Variants in GLIS3 observed in about 807,000 individuals in gnomAD.
GLIS3 encodes GLIS family zinc finger 3.
Under a neutral mutation model 78.6 loss-of-function variants are expected in GLIS3, and 53 were observed. That is an observed-to-expected ratio of 0.67 (90% confidence interval 0.54 to 0.85). The LOEUF is 0.85. GLIS3 is among the 40% of genes least tolerant of loss of function. The pLI, the probability that GLIS3 is intolerant of heterozygous loss-of-function variation, is 0.00. For missense variants in GLIS3, 1,703 were observed against 1,231.1 expected (o/e 1.38, Z -5.74); for synonymous variants, 684 against 509.9 (o/e 1.34, Z -4.60).
At chr9:4,218,512 T>C (rs918141510) in intron 2 of GLIS3, among the ~76,000 whole-genome samples, 1 of 152,208 alleles carries the variant, frequency 6.6e-6, no homozygotes, top group Non-Finnish European at 1.5e-5. Context: ...TCTCTTGACC[T>C]CGTGATCTGC....
the GLIS3 span, among the ~76,000 whole-genome samples, chr9:4,457,029 G>A: frequency 6.6e-6 from 1 of 152,168 alleles, no homozygotes; most frequent in African/African-American, 2.4e-5. Context: ...CAGTAGACTT[G>A]CTCTACTCAG....
In GLIS3 at chr9:3,980,058, A is replaced by G. The variant is rs567618924; in HGVS notation, c.1711-42869T>C. On this transcript the variant is annotated intron_variant, in intron 4 of 10. Coordinates refer to ENST00000381971, the MANE Select transcript of GLIS3 (RefSeq NM_001042413.2). ...TCCCCCAAAAAGTGACCTTAGGAGAAAGGACTGTTGGTGTCTGGAGTTGGG... is the reference window on the plus strand; with the variant it reads ...TCCCCCAAAAAGTGACCTTAGGAGAGAGGACTGTTGGTGTCTGGAGTTGGG... Among the ~76,000 whole-genome samples the G allele has an allele frequency of 7.2e-5, 11 of 152,268 alleles. No homozygotes were observed. In the East Asian group the frequency reaches 1.7e-3, roughly 24 times the overall value.
the GLIS3 span, among the ~76,000 whole-genome samples, chr9:4,487,175 T>C: frequency 6.6e-6 from 1 of 152,128 alleles, no homozygotes; most frequent in Non-Finnish European, 1.5e-5. Flanking sequence ...AATTTTTGTA[T>C]TTTTAGTAGA....
At chr9:3,962,929 A>C (rs1817666328) in intron 4 of GLIS3, among the ~76,000 whole-genome samples, 1 of 141,112 alleles carries the variant, frequency 7.1e-6, no homozygotes. Context: ...ATGTCCAACA[A>C]GATCTGCTGT....
intron 2 of GLIS3, among the ~76,000 whole-genome samples, chr9:4,234,908 T>C (rs1445063402): frequency 6.6e-6 from 1 of 151,994 alleles, no homozygotes; most frequent in Non-Finnish European, 1.5e-5. Context: ...GTCCCTAGAG[T>C]TGGAAGGACT....
the GLIS3 span, among the ~76,000 whole-genome samples, chr9:4,401,249 T>C: frequency 3.3e-5 from 5 of 152,186 alleles, no homozygotes; most frequent in Middle Eastern, 6.8e-3. Context: ...ATCTTGGGTT[T>C]ATTTCTGTTT....
chr9:4,397,707 AGGC>A, the GLIS3 span, among the ~76,000 whole-genome samples: 20 of 45,900 alleles, frequency 4.4e-4, no homozygotes, highest in East Asian at 2.0e-3. Flanking sequence ...GGAGGGAGGA[AGGC>A]AGGGAGGGAG....
chr9:4,037,217 T>C (rs958045649), intron 4 of GLIS3, among the ~76,000 whole-genome samples: 3 of 152,140 alleles, frequency 2.0e-5, no homozygotes, highest in African/African-American at 7.2e-5. Context: ...TCGAGAAAGA[T>C]TTCTTGAGAG....
At chr9:3,861,820 G>A (rs1820231475) in intron 8 of GLIS3, among the ~76,000 whole-genome samples, 2 of 152,176 alleles carry the variant, frequency 1.3e-5, no homozygotes, top group Non-Finnish European at 2.9e-5. Flanking sequence ...AGGAAAAATA[G>A]CTAATGCATG....
chr9:4,017,614 C>G (rs1352810435), intron 4 of GLIS3, among the ~76,000 whole-genome samples: 1 of 151,992 alleles, frequency 6.6e-6, no homozygotes. Flanking sequence ...TGAAAGGTGG[C>G]GAGGGTTTAG....
At chr9:4,193,450 G>C (rs1037469041) in intron 2 of GLIS3, among the ~76,000 whole-genome samples, 1 of 152,168 alleles carries the variant, frequency 6.6e-6, no homozygotes, top group Non-Finnish European at 1.5e-5. Flanking sequence ...TTACAGAAAA[G>C]GTTTGCAGAC....
chr9:3,973,197 A>G (rs561424953), intron 4 of GLIS3, among the ~76,000 whole-genome samples: 6 of 152,300 alleles, frequency 3.9e-5, no homozygotes, highest in African/African-American at 1.4e-4. Flanking sequence ...AGAGTGTGAT[A>G]TCCTCCTGGG....
At chr9:4,400,748 G>A in the GLIS3 span, among the ~76,000 whole-genome samples, 2 of 152,078 alleles carry the variant, frequency 1.3e-5, no homozygotes, top group African/African-American at 2.4e-5. Flanking sequence ...ATAGGGCTCT[G>A]GGCAGAGTCA....
chr9:4,469,202 C>T, the GLIS3 span, among the ~76,000 whole-genome samples: 2 of 152,046 alleles, frequency 1.3e-5, no homozygotes, highest in East Asian at 3.8e-4. Flanking sequence ...CTTTAACACC[C>T]CACTGTCAAC....
the GLIS3 span, among the ~76,000 whole-genome samples, chr9:4,376,140 T>C: frequency 2.6e-5 from 4 of 152,054 alleles, no homozygotes; most frequent in African/African-American, 9.7e-5. Context: ...GGGGTGGGGT[T>C]TGGTGTGCGC....
At chr9:4,331,470 C>G (rs1176366110) in intron 2 of GLIS3, among the ~76,000 whole-genome samples, 4 of 152,170 alleles carry the variant, frequency 2.6e-5, no homozygotes, top group African/African-American at 9.7e-5. Flanking sequence ...CTGTACCACC[C>G]AAGCTACCAT....
chr9:4,038,380 T>A (rs1341691117), intron 4 of GLIS3, among the ~76,000 whole-genome samples: 1 of 152,180 alleles, frequency 6.6e-6, no homozygotes, highest in Non-Finnish European at 1.5e-5. Context: ...CTGAATAAAC[T>A]GTTAAAGAAA....
intron 2 of GLIS3, among the ~76,000 whole-genome samples, chr9:4,199,750 T>C (rs182708415): frequency 2.0e-4 from 31 of 152,206 alleles, no homozygotes; most frequent in East Asian, 1.9e-3. Flanking sequence ...AGACAGATCA[T>C]TGAGGCAAAA....
intron 7 of GLIS3, among the ~76,000 whole-genome samples, chr9:3,897,026 C>T (rs1291698729): frequency 6.6e-6 from 1 of 152,146 alleles, no homozygotes; most frequent in Non-Finnish European, 1.5e-5. Flanking sequence ...GCTTTAAAAA[C>T]ACTACCAGAC....
Sources: gnomAD v4.1 joint callset for allele counts (sites outside exome capture counted in the v4.1 genomes callset) on GRCh38, gnomAD v4.1.1 for gene constraint, MANE v1.5 for transcripts, NCBI Gene and HGNC (gene_info 2026-07-23, HGNC 2026-07-21) for gene names.